FBXW11: variants seen among roughly 807,000 people sequenced by gnomAD.
FBXW11 encodes the protein F-box and WD repeat domain containing 11.
Under a neutral mutation model 77.6 loss-of-function variants are expected in FBXW11, and 19 were observed. That is an observed-to-expected ratio of 0.24 (90% CI 0.17 to 0.36). The LOEUF (loss-of-function observed/expected upper bound fraction) is 0.36. Among genes scored for constraint, FBXW11 ranks in the 10% least tolerant of loss-of-function variants. The probability of loss-of-function intolerance (pLI) is 1.00; values close to 1 mark genes in which losing one functional copy is unlikely to be tolerated. For missense variants in FBXW11, 334 were observed against 704.2 expected (o/e 0.47, Z 5.95); for synonymous variants, 235 against 249.4 (o/e 0.94, Z 0.54).
intron 1 of FBXW11, among the ~76,000 whole-genome samples, chr5:171,997,834 T>A (rs1766153528): frequency 6.6e-6 from 1 of 152,094 alleles, no homozygotes; most frequent in Admixed American, 6.6e-5. Flanking sequence ...ACAACAAAGA[T>A]AAAAACAAAA....
At chr5:171,998,539 G>A (rs923654318) in intron 1 of FBXW11, among the ~76,000 whole-genome samples, 6 of 151,570 alleles carry the variant, frequency 4.0e-5, no homozygotes, top group Non-Finnish European at 7.4e-5. Context: ...GCTCACACCT[G>A]TAGTCCCAAC....
intron 7 of FBXW11, among the ~76,000 whole-genome samples, chr5:171,890,320 C>G (rs1759254830): frequency 6.6e-6 from 1 of 151,902 alleles, no homozygotes; most frequent in Non-Finnish European, 1.5e-5. Flanking sequence ...GTCAGGAGCT[C>G]AAGACCAGCC....
At chr5:171,989,061 C>T (rs1256572224) in intron 1 of FBXW11, among the ~76,000 whole-genome samples, 1 of 151,912 alleles carries the variant, frequency 6.6e-6, no homozygotes, top group Non-Finnish European at 1.5e-5. Flanking sequence ...CCTGTAGTTC[C>T]AGCTACTCAG....
At chr5:171,866,947 C>T (rs961056113) in intron 13 of FBXW11, among the ~76,000 whole-genome samples, 7 of 152,160 alleles carry the variant, frequency 4.6e-5, no homozygotes, top group Admixed American at 2.6e-4. Flanking sequence ...TGAACACACT[C>T]GAGACCCATA....
intron 6 of FBXW11, among the ~76,000 whole-genome samples, chr5:171,897,646 G>C (rs1459697154): frequency 1.3e-5 from 2 of 152,018 alleles, no homozygotes; most frequent in Admixed American, 6.6e-5. Context: ...AGTTCTTCAA[G>C]GTTCCTGTTT....
intron 4 of FBXW11, among the ~76,000 whole-genome samples, chr5:171,910,119 G>A (rs1760790987): frequency 7.0e-6 from 1 of 143,802 alleles, no homozygotes; most frequent in Non-Finnish European, 1.5e-5. Context: ...AGGCTGGAGT[G>A]CAGTGGTATG....
At chr5:171,995,744 C>T (rs1210820941) in intron 1 of FBXW11, among the ~76,000 whole-genome samples, 1 of 151,640 alleles carries the variant, frequency 6.6e-6, no homozygotes, top group East Asian at 1.9e-4. Context: ...CAGAGCGAGA[C>T]TCCGCCTCAA....
At chr5:171,933,314 A>G (rs1192297763) in intron 2 of FBXW11, among the ~76,000 whole-genome samples, 1 of 152,154 alleles carries the variant, frequency 6.6e-6, no homozygotes, top group Non-Finnish European at 1.5e-5. Flanking sequence ...TGGGAAAGGC[A>G]AAACTATGGA....
chr5:171,956,790 G>A (rs1044577172), intron 2 of FBXW11, among the ~76,000 whole-genome samples: 1 of 152,190 alleles, frequency 6.6e-6, no homozygotes, highest in Non-Finnish European at 1.5e-5. Context: ...AATATGCAGT[G>A]ATGAAAACTG....
intron 2 of FBXW11, among the ~76,000 whole-genome samples, chr5:171,952,448 T>TATATATATATATA (rs1491271340): frequency 2.1e-3 from 23 of 10,852 alleles, no homozygotes; most frequent in Non-Finnish European, 2.5e-3. Flanking sequence ...TATATATATA[T>TATATATATATATA]TTTTTTTTTT....
chr5:171,873,938 T>C (rs752293407), intron 9 of FBXW11, among the ~76,000 whole-genome samples: 2 of 152,166 alleles, frequency 1.3e-5, no homozygotes, highest in Non-Finnish European at 2.9e-5. Context: ...CCCTACCTCA[T>C]ACCTTAAACA....
chr5:171,992,128 G>GAA (rs397768542), intron 1 of FBXW11, among the ~76,000 whole-genome samples: 85 of 85,362 alleles, frequency 1.0e-3, no homozygotes, highest in African/African-American at 2.6e-3. Context: ...AAGAAAAAAA[G>GAA]AAAAAAAAAA....
chr5:171,894,577 A>C (rs1759608210), intron 6 of FBXW11, among the ~76,000 whole-genome samples: 1 of 152,088 alleles, frequency 6.6e-6, no homozygotes, highest in African/African-American at 2.4e-5. Context: ...CTCAATTCCC[A>C]AGGCCACCGG....
intron 7 of FBXW11, among the ~76,000 whole-genome samples, chr5:171,878,603 A>AGAGT (rs138423567): frequency 0.23 from 29,319 of 127,802 alleles, 3,900 homozygotes; most frequent in East Asian, 0.4. Context: ...AGAGAGAGAG[A>AGAGT]GTGTGTGTGT....
chr5:171,922,061 GAAAC>G (rs372921650), intron 2 of FBXW11, among the ~76,000 whole-genome samples: 1 of 97,222 alleles, frequency 1.0e-5, no homozygotes, highest in East Asian at 3.1e-4. Flanking sequence ...GGAAAAGTTG[GAAAC>G]AAACAAACAA....
At chr5:171,916,041 A>G (rs1247649887) in intron 2 of FBXW11, among the ~76,000 whole-genome samples, 4 of 150,300 alleles carry the variant, frequency 2.7e-5, no homozygotes, top group Non-Finnish European at 5.9e-5. Flanking sequence ...TTGAACAATG[A>G]GAACACTGGA....
Position 171,876,504 on chromosome 5 carries a change from A to G in FBXW11, c.1002T>C (p.Leu334=). 4 of 1,614,182 alleles carry G rather than the reference A, an allele frequency of 2.5e-6. No homozygotes were observed. In the South Asian group the frequency reaches 3.3e-5, roughly 13 times the overall value. ...CCTCATTGTGGTGGATCAATGTGTTAAGAACTTCACCCGTGTTCACATCCC... is the reference window on the plus strand; with the variant it reads ...CCTCATTGTGGTGGATCAATGTGTTGAGAACTTCACCCGTGTTCACATCCC... The part of the protein sequence containing the change: ...RVWDVNTGEV[L]NTLIHHNEAV... The change falls in exon 9 of 14, where the codon CTT becomes CTC. Residue 334 remains leucine, a synonymous_variant. Coordinates refer to ENST00000517395, the MANE Select transcript of FBXW11 (RefSeq NM_001378974.1). This position sits in a 1 kb window ranked among gnomAD's most constrained non-coding sequence, Gnocchi z 4.2.
chr5:171,934,925 T>TGACA (rs1271934052), intron 2 of FBXW11, among the ~76,000 whole-genome samples: 2 of 152,146 alleles, frequency 1.3e-5, no homozygotes, highest in Non-Finnish European at 2.9e-5. Flanking sequence ...ATATAGGGAA[T>TGACA]GACAGCCTAA....
At chr5:171,882,456 A>C (rs182020476) in intron 7 of FBXW11, among the ~76,000 whole-genome samples, 2 of 152,002 alleles carry the variant, frequency 1.3e-5, no homozygotes, top group Non-Finnish European at 2.9e-5. Context: ...CGCATGCCAC[A>C]ATGCCCAGCT....
Sources: allele counts gnomAD v4.1 joint callset (sites outside exome capture counted in the v4.1 genomes callset), GRCh38; gene constraint gnomAD v4.1.1; non-coding constraint Gnocchi (gnomAD v3.1); transcripts MANE v1.5; gene names NCBI Gene and HGNC (gene_info 2026-07-23, HGNC 2026-07-21).